The following SLC38A6 variants were observed in gnomAD, a reference collection of about 807,000 sequenced individuals.
SLC38A6 encodes the protein N system amino acid transporter NAT-1.
Under a neutral mutation model 65.0 loss-of-function variants are expected in SLC38A6, and 73 were observed. That is an observed-to-expected ratio of 1.12 (90% CI 0.93 to 1.37). The LOEUF (loss-of-function observed/expected upper bound fraction) is 1.37. Ranked by LOEUF, SLC38A6 falls within the 40% of genes most tolerant of loss-of-function variation. The pLI is 0.00. For synonymous variants in SLC38A6, 183 were observed against 178.8 expected (o/e 1.02, Z -0.19); for missense variants, 561 against 531.1 (o/e 1.06, Z -0.55).
At chr14:61,051,321 G>A (rs768545622) in intron 13 of SLC38A6, among the ~76,000 whole-genome samples, 75 of 152,148 alleles carry the variant, frequency 4.9e-4, no homozygotes, top group Non-Finnish European at 1.0e-3. Flanking sequence ...ACCGCCTGCT[G>A]TGCTCTTAGC....
intron 15 of SLC38A6, among the ~76,000 whole-genome samples, chr14:61,070,675 A>T (rs765426772): frequency 5.9e-5 from 9 of 152,198 alleles, no homozygotes; most frequent in Non-Finnish European, 1.3e-4. Flanking sequence ...TGTTTCTATC[A>T]GCAGTGCACG....
In SLC38A6 at chr14:61,050,724, C is replaced by T. The variant is rs2042460947; in HGVS notation, c.1050+88C>T. On this transcript the variant is annotated intron_variant, in intron 13 of 15. Coordinates refer to ENST00000267488, the MANE Select transcript of SLC38A6 (RefSeq NM_153811.3). ...TCTTTGCAGAATAGAATGTTTGAAT[C>T]ACATCTAGTCTTGTATATCTTATTC... 5.1e-6 allele frequency: 6 copies of T among 1,187,988 alleles called. No homozygotes were observed. In the South Asian group the frequency reaches 1.8e-4, roughly 36 times the overall value. The allele number at this position is 1,187,988 out of a possible 1,614,324, so 73.6% of individuals were successfully genotyped here. A position where few individuals can be genotyped will look rare whatever the true frequency, so the allele number is the denominator to read the frequency against.
intron 4 of SLC38A6, among the ~76,000 whole-genome samples, chr14:61,018,622 G>T (rs2040165936): frequency 6.6e-6 from 1 of 152,170 alleles, no homozygotes; most frequent in Non-Finnish European, 1.5e-5. Context: ...AGACTTGAGT[G>T]ATTGAAAGGC....
chr14:61,073,711 G>T (rs541996573), intron 15 of SLC38A6: 3 of 151,878 alleles, frequency 2.0e-5, no homozygotes, highest in Admixed American at 6.6e-5. Flanking sequence ...TTAGCATTTG[G>T]TCGTATTTAT....
At chr14:61,043,834 T>C (rs2041966152) in intron 10 of SLC38A6, among the ~76,000 whole-genome samples, 1 of 151,870 alleles carries the variant, frequency 6.6e-6, no homozygotes, top group Non-Finnish European at 1.5e-5. Flanking sequence ...CCTGTTGCCC[T>C]CTGCACTTGT....
chr14:61,013,545 G>A (rs1411498856), intron 3 of SLC38A6, among the ~76,000 whole-genome samples: 2 of 152,162 alleles, frequency 1.3e-5, no homozygotes, highest in Non-Finnish European at 2.9e-5. Context: ...TCCATGTTTA[G>A]TGCTTCCTTC....
intron 5 of SLC38A6, among the ~76,000 whole-genome samples, chr14:61,022,004 G>A (rs2040366959): frequency 1.3e-5 from 2 of 152,098 alleles, no homozygotes; most frequent in Admixed American, 6.6e-5. Context: ...TCACTGTCTT[G>A]GCTTCAGTTC....
At chr14:60,993,566 A>G (rs978139148) in intron 3 of SLC38A6, among the ~76,000 whole-genome samples, 3 of 152,238 alleles carry the variant, frequency 2.0e-5, no homozygotes, top group African/African-American at 7.2e-5. Flanking sequence ...GACTGCTGGC[A>G]GCAAGTCTTC....
At chr14:61,007,017 T>A (rs891334248) in intron 3 of SLC38A6, among the ~76,000 whole-genome samples, 19 of 152,210 alleles carry the variant, frequency 1.2e-4, no homozygotes, top group African/African-American at 4.3e-4. Context: ...GTTCATGTCC[T>A]TTGTAGGGAC....
At chr14:61,074,985 G>A (rs2043352032) in intron 15 of SLC38A6, among the ~76,000 whole-genome samples, 1 of 152,074 alleles carries the variant, frequency 6.6e-6, no homozygotes, top group African/African-American at 2.4e-5. Context: ...TTTATGTTAT[G>A]TGAATTTCAC....
chr14:61,033,064 C>G (rs905431864), intron 6 of SLC38A6, among the ~76,000 whole-genome samples: 1 of 151,868 alleles, frequency 6.6e-6, no homozygotes, highest in Admixed American at 6.6e-5. Flanking sequence ...GAATAACTTA[C>G]ATTTTTAAAA....
intron 3 of SLC38A6, among the ~76,000 whole-genome samples, chr14:60,985,592 G>GT (rs1566604887): frequency 6.6e-6 from 1 of 152,096 alleles, no homozygotes; most frequent in East Asian, 1.9e-4. Context: ...GGATGAGTTC[G>GT]TTTTGCTTTA....
chr14:61,046,104 G>A lies in SLC38A6; in HGVS notation c.862G>A (p.Ala288Thr), dbSNP rs113797544. Residue 288 changes from alanine (A) to threonine (T), a missense_variant, in exon 12 of 16, where the codon GCA becomes ACA. Physicochemically the swap from Ala to Thr is moderately conservative, Grantham distance 58 (BLOSUM62 0). Coordinates refer to ENST00000267488, the MANE Select transcript of SLC38A6 (RefSeq NM_153811.3). ...AAGAATGCAGAATGTTACCAATACAGCAATTGCTTTAAGTTTTCTCATTTA... is the reference window on the plus strand; with the variant it reads ...AAGAATGCAGAATGTTACCAATACAACAATTGCTTTAAGTTTTCTCATTTA... The part of the protein sequence containing the change: ...KKRMQNVTNT[A>T]IALSFLIYFI... The A allele has an allele frequency of 1.4e-5, 22 of 1,611,404 alleles. No homozygotes were observed. Among genetic ancestry groups the A allele is most frequent in the Middle Eastern group, 3.4e-4 (2 of 5,958 alleles).
intron 12 of SLC38A6, 54 bp from the exon 13 acceptor site, chr14:61,050,458 T>G: frequency 8.2e-7 from 1 of 1,217,172 alleles, no homozygotes; most frequent in South Asian, 2.5e-5. Context: ...AACAATTTTG[T>G]TACTATTGAT....
intron 15 of SLC38A6, chr14:61,073,997 C>T (rs2043314643): frequency 6.6e-6 from 1 of 152,096 alleles, no homozygotes; most frequent in South Asian, 2.1e-4. Flanking sequence ...GTTTCTCTAG[C>T]TTACTTTATT....
chr14:61,041,393 ACTT>A (rs1212132231), intron 8 of SLC38A6, among the ~76,000 whole-genome samples: 2 of 152,300 alleles, frequency 1.3e-5, no homozygotes, highest in South Asian at 4.1e-4. Context: ...AAATCAGGCT[ACTT>A]CTTATTTTTT....
At chr14:61,023,738 G>GTGA (rs1444909935) in intron 5 of SLC38A6, among the ~76,000 whole-genome samples, 4 of 151,640 alleles carry the variant, frequency 2.6e-5, no homozygotes, top group Admixed American at 6.6e-5. Flanking sequence ...AATTCCTGTG[G>GTGA]TGAATCCATG....
intron 15 of SLC38A6, among the ~76,000 whole-genome samples, chr14:61,061,503 G>C (rs1566722003): frequency 6.6e-6 from 1 of 152,112 alleles, no homozygotes; most frequent in Non-Finnish European, 1.5e-5. Context: ...AGTTTCTGTA[G>C]GAATAGTACC....
At chr14:61,046,510 A>G (rs923016010) in intron 12 of SLC38A6, among the ~76,000 whole-genome samples, 2 of 152,124 alleles carry the variant, frequency 1.3e-5, no homozygotes, top group South Asian at 4.1e-4. Flanking sequence ...TCTAATTCAG[A>G]AGTGTGGGGG....
Sources: gnomAD v4.1 joint callset for allele counts (sites outside exome capture counted in the v4.1 genomes callset) on GRCh38, gnomAD v4.1.1 for gene constraint, MANE v1.5 for transcripts, NCBI Gene and HGNC (gene_info 2026-07-23, HGNC 2026-07-21) for gene names.